Variants in NRCAM observed in about 807,000 individuals in gnomAD.
The protein encoded by NRCAM is neuronal cell adhesion molecule.
A neutral mutation model predicts 156.5 loss-of-function variants in NRCAM; 83 were observed. The ratio of observed to expected loss-of-function variants is 0.53; its 90% CI spans 0.44 to 0.64. The LOEUF is 0.64. Ranked by LOEUF, NRCAM falls within the 30% of genes least tolerant of loss-of-function variation. The pLI is 0.00. For synonymous variants in NRCAM, 538 were observed against 563.9 expected (o/e 0.95, Z 0.65); for missense variants, 1,417 against 1,597.3 (o/e 0.89, Z 1.92).
At position 108,204,863 on chromosome 7, in the gene NRCAM, G is replaced by C. The variant is rs577945557; in HGVS notation, c.1207+2665C>G. 1.1e-4 allele frequency among the ~76,000 whole-genome samples: 16 copies of C among 152,248 alleles called. No homozygotes were observed. In the East Asian group the frequency reaches 3.1e-3, roughly 29 times the overall value. On this transcript the variant is annotated intron_variant, in intron 13 of 32. Coordinates refer to ENST00000379028, the MANE Select transcript of NRCAM (RefSeq NM_001037132.4). ...CTTCTCTACCTACTCAGACAATTTAGGGTTACAAGAGGAACTACTCTTTCT... is the reference window on the plus strand; with the variant it reads ...CTTCTCTACCTACTCAGACAATTTACGGTTACAAGAGGAACTACTCTTTCT...
chr7:108,151,289 A>AT (rs1181347278), intron 32 of NRCAM, among the ~76,000 whole-genome samples: 1 of 152,194 alleles, frequency 6.6e-6, no homozygotes, highest in African/African-American at 2.4e-5. Context: ...GCAAGGCAAA[A>AT]TAGGAAACAT....
rs930534549 is a variant in NRCAM at position 108,456,414 on chromosome 7, A to T, written c.-503T>A. 1.3e-5 allele frequency: 2 copies of T among 148,774 alleles called. No homozygotes were observed. The highest frequency in any genetic ancestry group is 3.0e-5 in the Non-Finnish European group (2 of 67,076). The allele number at this position is 148,774 out of a possible 1,614,324, so 9.2% of individuals were successfully genotyped here. A position where few individuals can be genotyped will look rare whatever the true frequency, so the allele number is the denominator to read the frequency against. On this transcript the variant is annotated 5_prime_UTR_variant, in exon 1 of 33. Transcript: ENST00000379028. The stretch of plus-strand genomic sequence containing the variant: ...GCTCGGACTGCGGCGCGCGTCCGCC[A>T]GCGACCCTGGCGAAGCGAGGCTGGC...
intron 5 of NRCAM, among the ~76,000 whole-genome samples, chr7:108,235,334 T>C (rs966020033): frequency 3.3e-5 from 5 of 152,182 alleles, no homozygotes; most frequent in African/African-American, 1.2e-4. Flanking sequence ...TCTGATCTTT[T>C]ATTATCAAAT....
At chr7:108,255,179 T>TCCCCC (rs2096570143) in intron 3 of NRCAM, among the ~76,000 whole-genome samples, 3 of 101,920 alleles carry the variant, frequency 2.9e-5, no homozygotes, top group Admixed American at 1.1e-4. Flanking sequence ...CTCCCCCCCC[T>TCCCCC]GCCCCTCCCA....
chr7:108,199,684 C>T (rs1459995986), intron 13 of NRCAM, among the ~76,000 whole-genome samples: 2 of 152,164 alleles, frequency 1.3e-5, no homozygotes, highest in African/African-American at 4.8e-5. Context: ...AGGCACTCTG[C>T]TTTTGGGGGC....
At chr7:108,447,513 G>A (rs186352867) in intron 1 of NRCAM, among the ~76,000 whole-genome samples, 105 of 151,914 alleles carry the variant, frequency 6.9e-4, no homozygotes, top group African/African-American at 2.2e-3. Context: ...CTCATGATCC[G>A]CCTACTCTGT....
In NRCAM at chr7:108,166,963, A is replaced by G. The variant is rs1460818123; in HGVS notation, c.3424T>C (p.Ser1142Pro). 6.2e-7 allele frequency: 1 copy of G among 1,613,806 alleles called. No homozygotes were observed. Among genetic ancestry groups the G allele is most frequent in the Non-Finnish European group, 8.5e-7 (1 of 1,179,868 alleles). Residue 1142 changes from serine (S) to proline (P), a missense_variant, in exon 30 of 33, where the codon TCT (serine) becomes CCT (proline). By Grantham distance (74) the Ser-to-Pro change is moderately conservative. Coordinates refer to ENST00000379028, the MANE Select transcript of NRCAM (RefSeq NM_001037132.4). ...ACATCCTCTGAACTCACAAAACCAG[A>G]GTCCCCCACAGCACCAACTCGAACT... ...YKVRVGAVGD[S>P]GFVSSEDVFE...
chr7:108,312,831 A>C (rs2098821196), intron 2 of NRCAM, 100 bp from the exon 3 acceptor site: 1 of 152,170 alleles, frequency 6.6e-6, no homozygotes, highest in Admixed American at 6.6e-5. Flanking sequence ...TCTTATGGGA[A>C]ACACAATTAA....
At chr7:108,203,522 A>C (rs570514500) in intron 13 of NRCAM, among the ~76,000 whole-genome samples, 1 of 152,076 alleles carries the variant, frequency 6.6e-6, no homozygotes, top group Non-Finnish European at 1.5e-5. Flanking sequence ...ATTTTGCTAA[A>C]AGAACCCTTC....
chr7:108,344,438 T>A (rs1239527525), intron 2 of NRCAM, among the ~76,000 whole-genome samples: 1 of 151,852 alleles, frequency 6.6e-6, no homozygotes, highest in Non-Finnish European at 1.5e-5. Flanking sequence ...GCTCTTCGGG[T>A]CCCCTCCTTT....
intron 1 of NRCAM, among the ~76,000 whole-genome samples, chr7:108,448,287 G>A (rs1210570971): frequency 6.6e-6 from 1 of 152,088 alleles, no homozygotes; most frequent in Non-Finnish European, 1.5e-5. Flanking sequence ...TTATTATGTT[G>A]GAATTTCCAT....
At chr7:108,385,530 G>C (rs1261481734) in intron 2 of NRCAM, among the ~76,000 whole-genome samples, 1 of 152,202 alleles carries the variant, frequency 6.6e-6, no homozygotes, top group Non-Finnish European at 1.5e-5. Context: ...CAAAATCACA[G>C]TGGGATCTCC....
intron 3 of NRCAM, among the ~76,000 whole-genome samples, chr7:108,297,524 TTCATAAG>T (rs1404717934): frequency 1.3e-5 from 2 of 152,196 alleles, no homozygotes; most frequent in African/African-American, 4.8e-5. Context: ...ACTTTAATGT[TTCATAAG>T]TCATCATTCA....
intron 3 of NRCAM, among the ~76,000 whole-genome samples, chr7:108,256,938 G>C (rs1025957800): frequency 6.6e-6 from 1 of 151,358 alleles, no homozygotes; most frequent in African/African-American, 2.4e-5. Flanking sequence ...GAACCCGGGA[G>C]GTGGAGGTTG....
chr7:108,313,962 T>C (rs907566479), intron 2 of NRCAM, among the ~76,000 whole-genome samples: 1 of 152,226 alleles, frequency 6.6e-6, no homozygotes, highest in African/African-American at 2.4e-5. Flanking sequence ...AAATACTTCA[T>C]GCTTCCTACC....
In NRCAM at chr7:108,452,305, G is replaced by A. The variant is rs78046531; in HGVS notation, c.-332+3938C>T. 8.8e-3 allele frequency among the ~76,000 whole-genome samples: 1,334 copies of A among 152,140 alleles called. 14 individuals are homozygous for A. The highest frequency in any genetic ancestry group is 0.03 in the African/African-American group (1,253 of 41,448). ...AGGTGATAGATGTGTTTATTAGTTT[G>A]ATTGTGGTAATCATTTCACAATGTA... On this transcript the variant is annotated intron_variant, in intron 1 of 32. Coordinates refer to ENST00000379028, the MANE Select transcript of NRCAM (RefSeq NM_001037132.4).
At position 108,382,535 on chromosome 7, in the gene NRCAM, G is replaced by GGA. The variant is rs1030681364; in HGVS notation, c.-174+16899_-174+16900dup. Among the ~76,000 whole-genome samples, 77 of 152,212 alleles carry GGA rather than the reference G, an allele frequency of 5.1e-4. 1 individual carries two copies. Among genetic ancestry groups the GGA allele is most frequent in the Admixed American group, 2.0e-3 (30 of 15,280 alleles). ...GAGGCAGGGGGATTGCTTAAGCCCA[G>GGA]GAGTTCGAGGCTGCAGTGAGCTATG... On this transcript the variant is annotated intron_variant, in intron 2 of 32. Transcript: ENST00000379028.
chr7:108,239,790 C>T (rs1268479377), intron 4 of NRCAM, among the ~76,000 whole-genome samples, 169 bp downstream of exon 4: 2 of 152,168 alleles, frequency 1.3e-5, no homozygotes, highest in African/African-American at 2.4e-5. Context: ...GCCACTTCTA[C>T]AGTGTGAATC....
At chr7:108,324,966 C>T (rs1430802978) in intron 2 of NRCAM, among the ~76,000 whole-genome samples, 3 of 147,694 alleles carry the variant, frequency 2.0e-5, no homozygotes, top group African/African-American at 7.6e-5. Flanking sequence ...ACCCTTGAGG[C>T]CCTGATTACT....
Sources: gnomAD v4.1 joint callset for allele counts (sites outside exome capture counted in the v4.1 genomes callset) on GRCh38, gnomAD v4.1.1 for gene constraint, MANE v1.5 for transcripts, NCBI Gene and HGNC (gene_info 2026-07-23, HGNC 2026-07-21) for gene names.